Variants in LRP1B observed in about 807,000 individuals in gnomAD.
The protein encoded by LRP1B is low-density lipoprotein receptor-related protein 1B.
LRP1B carries 217 observed loss-of-function variants against 556.6 expected under a neutral mutation model. The ratio of observed to expected loss-of-function variants is 0.39; its 90% CI spans 0.35 to 0.44. LRP1B has a LOEUF of 0.44. LRP1B is among the 20% of genes least tolerant of loss of function. The probability of loss-of-function intolerance (pLI) is 1.00; values close to 1 mark genes in which losing one functional copy is unlikely to be tolerated. For missense variants in LRP1B, 5,053 were observed against 5,620.8 expected (o/e 0.90, Z 3.23); for synonymous variants, 2,047 against 1,865.8 (o/e 1.10, Z -2.50).
chr2:141,468,619 T>C (rs1488826342), intron 3 of LRP1B, among the ~76,000 whole-genome samples: 1 of 152,138 alleles, frequency 6.6e-6, no homozygotes, highest in Non-Finnish European at 1.5e-5. Context: ...TCTCCAAACT[T>C]CTTTGAGACC....
At chr2:140,630,937 T>C (rs1165820879) in intron 41 of LRP1B, among the ~76,000 whole-genome samples, 1 of 152,174 alleles carries the variant, frequency 6.6e-6, no homozygotes, top group Non-Finnish European at 1.5e-5. Context: ...AATTCTAGGA[T>C]ACTTTACATT....
intron 43 of LRP1B, among the ~76,000 whole-genome samples, chr2:140,558,791 C>G (rs1037610513): frequency 6.6e-6 from 1 of 151,674 alleles, no homozygotes; most frequent in Non-Finnish European, 1.5e-5. Context: ...AAAAAAAAAG[C>G]TGGGTGTGGT....
chr2:141,510,877 A>AACACAC (rs763698242), intron 2 of LRP1B, among the ~76,000 whole-genome samples: 2 of 141,256 alleles, frequency 1.4e-5, no homozygotes, highest in African/African-American at 5.3e-5. Flanking sequence ...TCCTTGTCTA[A>AACACAC]ACACACACAC....
At chr2:140,933,059 T>C (rs1001242004) in intron 20 of LRP1B, among the ~76,000 whole-genome samples, 2 of 148,504 alleles carry the variant, frequency 1.3e-5, no homozygotes, top group South Asian at 2.3e-4. Flanking sequence ...GGCATCAAAG[T>C]TATTCATAAA....
chr2:141,205,089 A>T (rs893430602), intron 6 of LRP1B, among the ~76,000 whole-genome samples: 7 of 152,196 alleles, frequency 4.6e-5, no homozygotes, highest in Admixed American at 6.5e-5. Context: ...AATACACTTG[A>T]TCTCTGACCA....
intron 7 of LRP1B, among the ~76,000 whole-genome samples, chr2:141,126,445 G>A (rs1701214421): frequency 6.6e-6 from 1 of 152,050 alleles, no homozygotes; most frequent in South Asian, 2.1e-4. Context: ...TCCTTCCCTT[G>A]TCTGGAAAAT....
chr2:141,773,355 A>G (rs907734470), intron 2 of LRP1B, among the ~76,000 whole-genome samples: 1 of 152,210 alleles, frequency 6.6e-6, no homozygotes, highest in African/African-American at 2.4e-5. Flanking sequence ...ACTGCCCTAG[A>G]TTTACTTAGC....
chr2:141,738,716 T>C (rs374144457), intron 2 of LRP1B, among the ~76,000 whole-genome samples: 1 of 152,180 alleles, frequency 6.6e-6, no homozygotes, highest in East Asian at 1.9e-4. Context: ...TTTTGTGTTT[T>C]GTCGCTTGAT....
At chr2:141,731,508 A>C (rs6723324) in intron 2 of LRP1B, among the ~76,000 whole-genome samples, 1 of 151,642 alleles carries the variant, frequency 6.6e-6, no homozygotes, top group Admixed American at 6.6e-5. Flanking sequence ...TATTTTTCCG[A>C]GTCAGCGTAT....
intron 66 of LRP1B, among the ~76,000 whole-genome samples, chr2:140,429,082 C>G (rs920155887): frequency 3.9e-5 from 6 of 152,088 alleles, no homozygotes; most frequent in African/African-American, 1.4e-4. Flanking sequence ...GCACCCCTTA[C>G]CATCTCATTA....
intron 18 of LRP1B, among the ~76,000 whole-genome samples, chr2:140,979,472 G>C (rs1452792123): frequency 1.3e-5 from 2 of 152,100 alleles, no homozygotes; most frequent in South Asian, 2.1e-4. Flanking sequence ...TGTGTCAGCT[G>C]TATCTGAATA....
At chr2:140,402,589 A>G (rs1684554657) in intron 66 of LRP1B, among the ~76,000 whole-genome samples, 1 of 152,184 alleles carries the variant, frequency 6.6e-6, no homozygotes, top group Non-Finnish European at 1.5e-5. Context: ...GAGTAGCTGG[A>G]ACACTGGGAC....
intron 67 of LRP1B, among the ~76,000 whole-genome samples, chr2:140,382,393 C>CAT (rs1489595050): frequency 6.6e-6 from 1 of 152,054 alleles, no homozygotes; most frequent in Non-Finnish European, 1.5e-5. Context: ...ACTTAGATGG[C>CAT]ATATATGACA....
At chr2:140,737,871 A>T (rs1050255685) in intron 35 of LRP1B, among the ~76,000 whole-genome samples, 6 of 152,216 alleles carry the variant, frequency 3.9e-5, no homozygotes, top group Non-Finnish European at 1.5e-5. Flanking sequence ...CCCTGGTGGC[A>T]GCTGCTACGC....
chr2:140,888,961 A>C (rs1483576640), intron 23 of LRP1B, among the ~76,000 whole-genome samples: 1 of 91,416 alleles, frequency 1.1e-5, no homozygotes, highest in Non-Finnish European at 2.1e-5. Flanking sequence ...AGTCTGTCTC[A>C]AAAAAAAAAA....
intron 3 of LRP1B, among the ~76,000 whole-genome samples, chr2:141,291,730 C>T (rs1685961234): frequency 6.6e-6 from 1 of 151,790 alleles, no homozygotes; most frequent in African/African-American, 2.4e-5. Flanking sequence ...GTGGCGGGCA[C>T]CTGTAATCCC....
intron 2 of LRP1B, among the ~76,000 whole-genome samples, chr2:141,785,586 T>C (rs1487863814): frequency 6.6e-6 from 1 of 151,374 alleles, no homozygotes; most frequent in African/African-American, 2.4e-5. Flanking sequence ...TCCATCCTAA[T>C]GATGGCAGTA....
chr2:141,342,339 C>A (rs148234336), intron 3 of LRP1B, among the ~76,000 whole-genome samples: 1,781 of 151,578 alleles, frequency 0.012, 23 homozygotes, highest in South Asian at 0.021. Context: ...CACTGGCCTA[C>A]AATGGATGTC....
At chr2:141,359,255 G>A (rs1196562221) in intron 3 of LRP1B, among the ~76,000 whole-genome samples, 7 of 82,214 alleles carry the variant, frequency 8.5e-5, no homozygotes, top group East Asian at 3.0e-4. Flanking sequence ...TAAAGACAAG[G>A]ACAAAATAAA....
Sources: gnomAD v4.1 joint callset for allele counts (sites outside exome capture counted in the v4.1 genomes callset) on GRCh38, gnomAD v4.1.1 for gene constraint, MANE v1.5 for transcripts, NCBI Gene and HGNC (gene_info 2026-07-23, HGNC 2026-07-21) for gene names.